The following CGNL1 variants were observed in gnomAD, a reference collection of about 807,000 sequenced individuals.
CGNL1 encodes the protein cingulin like 1, also known as cingulin-like protein 1.
CGNL1 carries 132 observed loss-of-function variants against 141.2 expected under a neutral mutation model. The ratio of observed to expected loss-of-function variants is 0.93; its 90% confidence interval spans 0.81 to 1.08. The LOEUF (loss-of-function observed/expected upper bound fraction) is 1.08. CGNL1 is among the 50% of genes least tolerant of loss of function. CGNL1 has a pLI of 0.00. For missense variants in CGNL1, 1,870 were observed against 1,588.6 expected (o/e 1.18, Z -3.01); for synonymous variants, 690 against 622.1 (o/e 1.11, Z -1.63).
At chr15:57,440,503 ATTG>A in intron 3 of CGNL1, 32 bp downstream of exon 3, 2 of 1,465,836 alleles carry the variant, frequency 1.4e-6, no homozygotes, top group South Asian at 2.4e-5. Context: ...AGAGCAAAGT[ATTG>A]TTGTTTCTGG....
At chr15:57,405,342 C>G (rs2062704034) in intron 1 of CGNL1, among the ~76,000 whole-genome samples, 1 of 152,202 alleles carries the variant, frequency 6.6e-6, no homozygotes, top group African/African-American at 2.4e-5. Flanking sequence ...CACACTCTGA[C>G]TCGGGTGTCT....
intron 14 of CGNL1, among the ~76,000 whole-genome samples, chr15:57,536,501 AATG>A (rs1232482230): frequency 1.3e-5 from 2 of 152,218 alleles, no homozygotes; most frequent in African/African-American, 4.8e-5. Flanking sequence ...GAGTTGATAA[AATG>A]ATATCTTCTT....
In CGNL1 at chr15:57,512,364, T is replaced by A. The variant is rs2030386260; in HGVS notation, c.2404-4416T>A. ...GAAAGTTTGTTCTATGGGCTTTATA[T>A]AAAAGGTGAGCTGGCCATGTGGGGG... On this transcript the variant is annotated intron_variant, in intron 8 of 18. Coordinates refer to ENST00000281282, the MANE Select transcript of CGNL1 (RefSeq NM_032866.5). Among the ~76,000 whole-genome samples, 3 of 152,156 alleles carry A rather than the reference T, an allele frequency of 2.0e-5. No individual in the cohort carries two copies. In the South Asian group the frequency reaches 6.2e-4, roughly 31 times the overall value.
At chr15:57,525,939 A>C (rs1382918322) in intron 12 of CGNL1, among the ~76,000 whole-genome samples, 2 of 152,186 alleles carry the variant, frequency 1.3e-5, no homozygotes, top group Non-Finnish European at 2.9e-5. Context: ...AGAAGGATTC[A>C]GGTATCTGCC....
intron 1 of CGNL1, among the ~76,000 whole-genome samples, chr15:57,433,588 G>A (rs1404670984): frequency 6.6e-6 from 1 of 152,142 alleles, no homozygotes; most frequent in African/African-American, 2.4e-5. Context: ...TGTTACCATA[G>A]TAGGCCAGAG....
chr15:57,491,284 T>A (rs1369821197), intron 8 of CGNL1, among the ~76,000 whole-genome samples: 4 of 152,176 alleles, frequency 2.6e-5, no homozygotes, highest in Non-Finnish European at 4.4e-5. Context: ...CTATAGATAA[T>A]TTTTCGTTTA....
At chr15:57,452,352 T>A in intron 6 of CGNL1, 63 bp downstream of exon 6, 2 of 1,468,092 alleles carry the variant, frequency 1.4e-6, no homozygotes, top group East Asian at 2.4e-5. Context: ...AGCTAGAAAC[T>A]TTCTGTCCAT....
At chr15:57,534,529 G>A (rs1426363628) in intron 14 of CGNL1, among the ~76,000 whole-genome samples, 1 of 152,194 alleles carries the variant, frequency 6.6e-6, no homozygotes, top group African/African-American at 2.4e-5. Flanking sequence ...TTGAAATGAA[G>A]GCTCTCTGGG....
intron 8 of CGNL1, among the ~76,000 whole-genome samples, chr15:57,501,551 G>C (rs1053864144): frequency 6.6e-6 from 1 of 152,232 alleles, no homozygotes; most frequent in African/African-American, 2.4e-5. Flanking sequence ...GCATGGGATG[G>C]GCTGAGAGGT....
intron 18 of CGNL1, 68 bp downstream of exon 18, chr15:57,546,307 G>C: frequency 6.8e-7 from 1 of 1,471,694 alleles, no homozygotes; most frequent in Non-Finnish European, 9.1e-7. Context: ...TCTGCTTTCA[G>C]AGCATTCACA....
At chr15:57,466,645 A>G (rs1421552982) in intron 8 of CGNL1, among the ~76,000 whole-genome samples, 6 of 152,094 alleles carry the variant, frequency 3.9e-5, no homozygotes, top group African/African-American at 1.4e-4. Context: ...TACTTAATAG[A>G]TGTTTAGTAA....
chr15:57,401,548 G>A (rs2152251297), intron 1 of CGNL1, among the ~76,000 whole-genome samples: 1 of 152,326 alleles, frequency 6.6e-6, no homozygotes, highest in Non-Finnish European at 1.5e-5. Flanking sequence ...CAATTCAAAG[G>A]TGGATGGTTG....
intron 8 of CGNL1, among the ~76,000 whole-genome samples, chr15:57,503,940 GA>G (rs775768065): frequency 2.6e-5 from 4 of 152,254 alleles, no homozygotes; most frequent in Admixed American, 6.5e-5. Context: ...ATTTGGTGGG[GA>G]CACAGCCAAA....
chr15:57,399,741 T>A (rs1465017142), intron 1 of CGNL1, among the ~76,000 whole-genome samples: 2 of 152,118 alleles, frequency 1.3e-5, no homozygotes, highest in African/African-American at 4.8e-5. Flanking sequence ...CAGGGGCTCA[T>A]GCCTGTAATC....
intron 8 of CGNL1, among the ~76,000 whole-genome samples, chr15:57,479,542 T>C (rs111631494): frequency 0.035 from 5,335 of 152,256 alleles, 328 homozygotes; most frequent in African/African-American, 0.12. Context: ...TGCATGCTTG[T>C]AATCCTAGCT....
At chr15:57,520,890 C>T (rs1473694628) in intron 10 of CGNL1, among the ~76,000 whole-genome samples, 1 of 152,162 alleles carries the variant, frequency 6.6e-6, no homozygotes. Flanking sequence ...GGCTCACCTG[C>T]AACTTGTTTG....
At position 57,439,503 on chromosome 15, in the gene CGNL1, G is replaced by C. The variant is rs368066063; in HGVS notation, c.1504G>C (p.Ala502Pro). The C allele has an allele frequency of 6.2e-7, 1 of 1,614,098 alleles. No individual in the cohort carries two copies. Among genetic ancestry groups the C allele is most frequent in the African/African-American group, 1.3e-5 (1 of 74,932 alleles). ...GGAGGAGGAGGTGAAAACAGCCACC[G>C]CTACGCTGATGTTACAGAACCGGGC... Reference protein sequence around the residue: ...KKEEEVKTATATLMLQNRATA... With the variant: ...KKEEEVKTATPTLMLQNRATA... Residue 502 changes from alanine to proline, a missense_variant, in exon 2 of 19, where the codon GCT becomes CCT. Ala to Pro is a conservative substitution (Grantham distance 27, BLOSUM62 -1). Transcript: ENST00000281282.
intron 1 of CGNL1, among the ~76,000 whole-genome samples, chr15:57,382,092 C>T (rs1164587485): frequency 5.3e-5 from 8 of 152,132 alleles, no homozygotes; most frequent in Admixed American, 2.0e-4. Flanking sequence ...TAGAATAAAA[C>T]GAAGCTGTGC....
In CGNL1 at chr15:57,438,669, A is replaced by G; in HGVS notation, c.670A>G (p.Ile224Val). ...TAIRLCSSVV[I>V]EDPKKQTSVC... ...TATTCGTTTATGCAGCTCCGTGGTC[A>G]TAGAGGACCCCAAAAAGCAGACCTC... The change falls in exon 2 of 19, where the codon ATA becomes GTA. Residue 224 changes from isoleucine (I) to valine (V), a missense_variant. Ile to Val is a conservative substitution (Grantham distance 29, BLOSUM62 3). Coordinates refer to ENST00000281282, the MANE Select transcript of CGNL1 (RefSeq NM_032866.5). 1 of 1,614,206 alleles carries G rather than the reference A, an allele frequency of 6.2e-7. No individual in the cohort carries two copies. The highest frequency in any genetic ancestry group is 8.5e-7 in the Non-Finnish European group (1 of 1,180,036).
Sources: allele counts gnomAD v4.1 joint callset (sites outside exome capture counted in the v4.1 genomes callset), GRCh38; gene constraint gnomAD v4.1.1; transcripts MANE v1.5; gene names NCBI Gene and HGNC (gene_info 2026-07-23, HGNC 2026-07-21).